Variants in STXBP5L observed in about 807,000 individuals in gnomAD.
The protein encoded by STXBP5L is syntaxin-binding protein 5-like.
Under a neutral mutation model 144.5 loss-of-function variants are expected in STXBP5L, and 65 were observed. That is an observed-to-expected ratio of 0.45 (90% confidence interval 0.37 to 0.55). STXBP5L has a LOEUF of 0.55. STXBP5L is among the 20% of genes least tolerant of loss of function. The probability of loss-of-function intolerance (pLI) is 0.00; values close to 1 mark genes in which losing one functional copy is unlikely to be tolerated. For synonymous variants in STXBP5L, 505 were observed against 469.6 expected, an observed-to-expected ratio of 1.08 and a Z score of -0.97; for missense variants, 1,298 against 1,405.5, an observed-to-expected ratio of 0.92 and a Z score of 1.22.
At chr3:120,957,709 A>G (rs1442994067) in intron 3 of STXBP5L, among the ~76,000 whole-genome samples, 1 of 152,180 alleles carries the variant, frequency 6.6e-6, no homozygotes, top group Admixed American at 6.6e-5. Context: ...TTTGAAACCA[A>G]CGAGAACAAA....
At chr3:121,372,047 C>A (rs1278718171) in intron 20 of STXBP5L, among the ~76,000 whole-genome samples, 1 of 152,162 alleles carries the variant, frequency 6.6e-6, no homozygotes, top group East Asian at 1.9e-4. Flanking sequence ...GGGTGAGTGC[C>A]TGTGGGCAAA....
chr3:121,339,519 C>T (rs193258377), intron 20 of STXBP5L, among the ~76,000 whole-genome samples: 1 of 152,082 alleles, frequency 6.6e-6, no homozygotes, highest in Non-Finnish European at 1.5e-5. Context: ...AGGATGCCCA[C>T]TTTTACCACT....
chr3:121,069,048 A>G (rs1195705617), intron 5 of STXBP5L, among the ~76,000 whole-genome samples: 2 of 152,118 alleles, frequency 1.3e-5, no homozygotes, highest in East Asian at 3.8e-4. Flanking sequence ...ATGTAATTTT[A>G]TCATGACTAC....
At chr3:121,065,351 A>G (rs2041491586) in intron 5 of STXBP5L, among the ~76,000 whole-genome samples, 1 of 152,120 alleles carries the variant, frequency 6.6e-6, no homozygotes, top group African/African-American at 2.4e-5. Flanking sequence ...GTAGTTGTAT[A>G]TACATATTTT....
intron 9 of STXBP5L, among the ~76,000 whole-genome samples, chr3:121,201,408 C>T (rs1320506566): frequency 6.6e-6 from 1 of 152,108 alleles, no homozygotes; most frequent in African/African-American, 2.4e-5. Flanking sequence ...CTAAGTATGT[C>T]TTTACATGTG....
chr3:121,067,444 C>G (rs2041601494), intron 5 of STXBP5L, among the ~76,000 whole-genome samples: 1 of 152,034 alleles, frequency 6.6e-6, no homozygotes, highest in African/African-American at 2.4e-5. Context: ...AGTTTTCTAT[C>G]TCTTGTTAGT....
At chr3:121,289,154 G>A (rs1463936747) in intron 19 of STXBP5L, among the ~76,000 whole-genome samples, 3 of 152,164 alleles carry the variant, frequency 2.0e-5, no homozygotes, top group African/African-American at 7.2e-5. Flanking sequence ...AGGTAAAGGA[G>A]TAGAAAAACA....
intron 3 of STXBP5L, among the ~76,000 whole-genome samples, chr3:120,986,400 A>G (rs1394561903): frequency 6.6e-6 from 1 of 151,854 alleles, no homozygotes; most frequent in Non-Finnish European, 1.5e-5. Flanking sequence ...TAGTTGATTT[A>G]TTGTGTTAAA....
chr3:121,137,311 A>C (rs1202143179), intron 7 of STXBP5L, among the ~76,000 whole-genome samples: 4 of 152,182 alleles, frequency 2.6e-5, no homozygotes, highest in Admixed American at 2.0e-4. Flanking sequence ...CACTAAGAAA[A>C]AAGAATGAAG....
At position 121,312,969 on chromosome 3, in the gene STXBP5L, C is replaced by T. The variant is rs575908603; in HGVS notation, c.2111-5506C>T. Among the ~76,000 whole-genome samples, 8 of 152,326 alleles carry T rather than the reference C, an allele frequency of 5.3e-5. No individual in the cohort carries two copies. In the East Asian group the frequency reaches 9.7e-4, roughly 18 times the overall value. ...TCATCATGGCCCATCACCAATGAGC[C>T]GCTGGGCACACCTCCCAGACGGGGT... On this transcript the variant is annotated intron_variant, in intron 19 of 26. Transcript: ENST00000471454.
At position 121,393,936 on chromosome 3, in the gene STXBP5L, A is replaced by G. The variant is rs143877508; in HGVS notation, c.2587+12404A>G. Among the ~76,000 whole-genome samples, 435 of 152,238 alleles carry G rather than the reference A, an allele frequency of 2.9e-3. 2 individuals carry two copies. Among genetic ancestry groups the G allele is most frequent in the Non-Finnish European group, 1.2e-3 (85 of 68,010 alleles). ...ACTGTTTTGGTTCCATATGAATTTT[A>G]GAATTATTTTTTCTACTTCTGTGAA... is the stretch of plus-strand genomic sequence containing the variant. On this transcript the variant is annotated intron_variant, in intron 22 of 26. Coordinates refer to ENST00000471454, the MANE Select transcript of STXBP5L (RefSeq NM_001308330.2).
intron 3 of STXBP5L, among the ~76,000 whole-genome samples, chr3:120,978,400 T>C (rs998639635): frequency 6.6e-6 from 1 of 152,244 alleles, no homozygotes; most frequent in African/African-American, 2.4e-5. Flanking sequence ...CTCCATCAGC[T>C]CCTTTAAGCA....
intron 2 of STXBP5L, among the ~76,000 whole-genome samples, chr3:120,931,960 G>A (rs909130963): frequency 1.2e-4 from 18 of 152,190 alleles, no homozygotes; most frequent in African/African-American, 3.9e-4. Context: ...TTGTGTGAAC[G>A]TCACAGAGTG....
chr3:120,998,324 C>T (rs184424478), intron 3 of STXBP5L, among the ~76,000 whole-genome samples: 10 of 152,216 alleles, frequency 6.6e-5, no homozygotes, highest in African/African-American at 2.2e-4. Flanking sequence ...ATTTTATACC[C>T]AGGAAACCCT....
At chr3:121,332,422 AAAC>A (rs1421992422) in intron 20 of STXBP5L, among the ~76,000 whole-genome samples, 1 of 151,404 alleles carries the variant, frequency 6.6e-6, no homozygotes, top group African/African-American at 2.4e-5. Context: ...AAAAAAAAAA[AAAC>A]CAGAACTTCT....
intron 3 of STXBP5L, among the ~76,000 whole-genome samples, chr3:121,012,233 C>T (rs1944827266): frequency 6.6e-6 from 1 of 151,630 alleles, no homozygotes; most frequent in Non-Finnish European, 1.5e-5. Context: ...CTTGGATTGC[C>T]TTTCTACTTC....
At chr3:120,922,601 T>A (rs1709411846) in intron 2 of STXBP5L, among the ~76,000 whole-genome samples, 1 of 152,064 alleles carries the variant, frequency 6.6e-6, no homozygotes, top group Admixed American at 6.6e-5. Context: ...CCTGTGGGTT[T>A]GTCATTTATA....
intron 19 of STXBP5L, among the ~76,000 whole-genome samples, chr3:121,291,469 G>T (rs1170336869): frequency 2.0e-5 from 3 of 152,070 alleles, no homozygotes; most frequent in Admixed American, 1.3e-4. Context: ...TTGTGAAAAT[G>T]ACCATGCTAT....
chr3:120,939,700 A>G (rs1183257443), intron 2 of STXBP5L, among the ~76,000 whole-genome samples: 1 of 152,188 alleles, frequency 6.6e-6, no homozygotes, highest in Non-Finnish European at 1.5e-5. Context: ...GTCGAACATA[A>G]CGTTAAACAT....
Sources: gnomAD v4.1 joint callset for allele counts (sites outside exome capture counted in the v4.1 genomes callset) on GRCh38, gnomAD v4.1.1 for gene constraint, MANE v1.5 for transcripts, NCBI Gene and HGNC (gene_info 2026-07-23, HGNC 2026-07-21) for gene names.